Variants in TCOF1 observed in about 807,000 individuals in gnomAD.
The protein encoded by TCOF1 is treacle protein.
Under a neutral mutation model 149.0 loss-of-function variants are expected in TCOF1, and 33 were observed. That is an observed-to-expected ratio of 0.22 (90% CI 0.17 to 0.30). TCOF1 has a LOEUF of 0.30. Ranked by LOEUF, TCOF1 falls within the 10% of genes least tolerant of loss-of-function variation. The pLI is 1.00. For missense variants in TCOF1, 1,728 were observed against 1,840.7 expected (o/e 0.94, Z 1.12); for synonymous variants, 789 against 738.8 (o/e 1.07, Z -1.10).
At chr5:150,360,307 T>C (rs1759749943) in intron 1 of TCOF1, among the ~76,000 whole-genome samples, 1 of 152,224 alleles carries the variant, frequency 6.6e-6, no homozygotes, top group Admixed American at 6.5e-5. Flanking sequence ...ACAGAGACAT[T>C]GGGCCCTCTG....
chr5:150,391,763 G>T, intron 20 of TCOF1, 106 bp downstream of exon 20: 2 of 1,260,308 alleles, frequency 1.6e-6, no homozygotes, highest in South Asian at 1.3e-5. Flanking sequence ...CTCTGCACTT[G>T]GTTTGCCTCC....
At chr5:150,383,979 T>C in intron 17 of TCOF1, 5 of 1,417,702 alleles carry the variant, frequency 3.5e-6, no homozygotes, top group Non-Finnish European at 2.8e-6. Context: ...GCATTACCCT[T>C]TGTCCTCCTC....
At chr5:150,384,060 A>G (rs1246557824) in intron 17 of TCOF1, 2 of 1,320,218 alleles carry the variant, frequency 1.5e-6, no homozygotes, top group Non-Finnish European at 1.9e-6. Flanking sequence ...GGGCCTAACC[A>G]CAGATCCTGG....
intron 1 of TCOF1, among the ~76,000 whole-genome samples, chr5:150,359,949 T>A (rs1030510812): frequency 6.6e-6 from 1 of 151,624 alleles, no homozygotes; most frequent in African/African-American, 2.4e-5. Flanking sequence ...AATGAGGGAG[T>A]GAGCTGTGTA....
At chr5:150,365,368 C>T (rs1761110187) in intron 3 of TCOF1, among the ~76,000 whole-genome samples, 1 of 151,516 alleles carries the variant, frequency 6.6e-6, no homozygotes. Flanking sequence ...GCATGAGCCA[C>T]TGCGCCCTGG....
At position 150,374,276 on chromosome 5, in the gene TCOF1, G is replaced by A. The variant is rs745376295; in HGVS notation, c.973G>A (p.Ala325Thr). The A allele has an allele frequency of 3.1e-6, 5 of 1,594,656 alleles. No homozygotes were observed. The highest frequency in any genetic ancestry group is 3.5e-5 in the Admixed American group (2 of 57,832). The change falls in exon 8 of 27, where the codon GCT (alanine) becomes ACT (threonine). Residue 325 changes from alanine (A) to threonine (T), a missense_variant. Transcript: ENST00000643257. ...CCCAGCACCCCCTGGGAAGGCAGGG[G>A]CTGTAGCCTCCCAGACCAAGGCAGG... ...ATPAPPGKAG[A>T]VASQTKAGKP...
At chr5:150,384,658 G>C (rs1765911939) in intron 17 of TCOF1, 1 of 971,616 alleles carries the variant, frequency 1.0e-6, no homozygotes, top group Non-Finnish European at 1.2e-6. Flanking sequence ...TGGTATGTTA[G>C]TCCTGAAGAT....
intron 14 of TCOF1, among the ~76,000 whole-genome samples, chr5:150,377,897 CT>C (rs2150774450): frequency 6.6e-6 from 1 of 152,282 alleles, no homozygotes; most frequent in Non-Finnish European, 1.5e-5. Context: ...ACCCAGGTTT[CT>C]TTTTGTTGAT....
intron 1 of TCOF1, among the ~76,000 whole-genome samples, chr5:150,358,460 C>T (rs781365322): frequency 3.3e-5 from 5 of 152,184 alleles, no homozygotes; most frequent in Non-Finnish European, 4.4e-5. Flanking sequence ...CTCAGCCCTC[C>T]TGGAGCTTAC....
chr5:150,374,079 TAGG>T (rs983528780), intron 7 of TCOF1, 92 bp from the exon 8 acceptor site: 36 of 1,376,100 alleles, frequency 2.6e-5, no homozygotes, highest in Non-Finnish European at 3.4e-5. Flanking sequence ...GGGGAGGTCT[TAGG>T]AGCCTCATTA....
chr5:150,379,317 C>T lies in TCOF1; in HGVS notation c.2567C>T (p.Thr856Ile), dbSNP rs1490138369. 6.2e-7 allele frequency: 1 copy of T among 1,614,118 alleles called. No homozygotes were observed. The highest frequency in any genetic ancestry group is 8.5e-7 in the Non-Finnish European group (1 of 1,180,048). The change falls in exon 16 of 27, where the codon ACA (threonine) becomes ATA (isoleucine). Residue 856 changes from threonine to isoleucine, a missense_variant. This residue lies in a region of TCOF1 where 1,696 missense variants were observed against 1,765.4 expected (regional missense o/e 0.96). Coordinates refer to ENST00000643257, the MANE Select transcript of TCOF1 (RefSeq NM_001371623.1). Reference sequence around the variant, plus strand: ...CCATCTGTGGGGAAGGCCGTGGCTACAGCAGCTCAGGCCCAGACAGGGCCA... The same window carrying T: ...CCATCTGTGGGGAAGGCCGTGGCTATAGCAGCTCAGGCCCAGACAGGGCCA... The part of the protein sequence containing the change: ...SVPSVGKAVA[T>I]AAQAQTGPEE...
rs545783770 is a variant in TCOF1 at position 150,396,965 on chromosome 5, C to T, written c.4345+123C>T. 1.2e-5 allele frequency: 15 copies of T among 1,211,008 alleles called. No homozygotes were observed. The Admixed American group carries it at 2.9e-4, about 24-fold the overall frequency. The allele number at this position is 1,211,008 out of a possible 1,614,324, so 75.0% of individuals were successfully genotyped here. A position where few individuals can be genotyped will look rare whatever the true frequency, so the allele number is the denominator to read the frequency against. On this transcript the variant is annotated intron_variant, in intron 24 of 26. Transcript: ENST00000643257. ...GTAGAAAAGAGAGGCTGAGACCAGCCTGGCCAACATGGCAAAACCCCGTCT... is the reference window on the plus strand; with the variant it reads ...GTAGAAAAGAGAGGCTGAGACCAGCTTGGCCAACATGGCAAAACCCCGTCT...
chr5:150,383,254 A>C, intron 17 of TCOF1: 1 of 1,211,472 alleles, frequency 8.3e-7, no homozygotes, highest in Non-Finnish European at 1.1e-6. Flanking sequence ...GATCTTGCCC[A>C]TAGGGAAAAT....
chr5:150,382,663 C>G (rs1765465869), intron 17 of TCOF1, among the ~76,000 whole-genome samples: 1 of 152,236 alleles, frequency 6.6e-6, no homozygotes, highest in African/African-American at 2.4e-5. Flanking sequence ...CAGTGGAACA[C>G]TTCTAGGTGG....
In TCOF1 at chr5:150,388,103, T is replaced by TA. The variant is rs1766650377; in HGVS notation, c.3046+16dup. 3.7e-6 allele frequency: 6 copies of TA among 1,612,676 alleles called. No individual in the cohort carries two copies. In the East Asian group the frequency reaches 1.1e-4, roughly 30 times the overall value. On this transcript the variant is annotated intron_variant, in intron 18 of 26. Transcript: ENST00000643257. ...CTTGACTCCTGGTGAGCGCAGCCCT[T>TA]ATGCAGTGGTGGGAGGGGCTGCCAG... is the stretch of plus-strand genomic sequence containing the variant.
intron 14 of TCOF1, 182 bp from the exon 15 acceptor site, chr5:150,378,723 T>A: frequency 1.3e-6 from 1 of 755,450 alleles, no homozygotes; most frequent in African/African-American, 1.7e-5. Context: ...TATTATTATC[T>A]CCATTTGATA....
chr5:150,399,028 ACAG>A lies in TCOF1; in HGVS notation c.4454_4456del (p.Ala1485del). 6.2e-7 allele frequency: 1 copy of A among 1,614,262 alleles called. No individual in the cohort carries two copies. Among genetic ancestry groups the A allele is most frequent in the Non-Finnish European group, 8.5e-7 (1 of 1,180,048 alleles). ...CGTACTTCCCTCCTCACAGAAGAAGACAGCAGAGCAGACTGTATGACGAGCACC... is the reference window on the plus strand; with the variant it reads ...CGTACTTCCCTCCTCACAGAAGAAGACAGAGCAGACTGTATGACGAGCACC... On this transcript the variant is annotated inframe_deletion, in exon 26 of 27. Coordinates refer to ENST00000643257, the MANE Select transcript of TCOF1 (RefSeq NM_001371623.1).
chr5:150,369,392 CAG>C, intron 5 of TCOF1, 135 bp from the exon 6 acceptor site: 1 of 936,094 alleles, frequency 1.1e-6, no homozygotes, highest in Non-Finnish European at 1.7e-6. Context: ...CTTCACAGCT[CAG>C]TGCATGTGAG....
At chr5:150,378,818 G>C in intron 14 of TCOF1, 87 bp from the exon 15 acceptor site, 1 of 1,587,984 alleles carries the variant, frequency 6.3e-7, no homozygotes, top group South Asian at 1.1e-5. Flanking sequence ...ATCCAGACTC[G>C]GGCTCCAGCT....
Sources: allele counts gnomAD v4.1 joint callset (sites outside exome capture counted in the v4.1 genomes callset), GRCh38; gene constraint gnomAD v4.1.1; regional missense constraint gnomAD v4.1.1; transcripts MANE v1.5; gene names NCBI Gene and HGNC (gene_info 2026-07-23, HGNC 2026-07-21).